Variants in SRGAP3 observed in about 807,000 individuals in gnomAD.
The protein encoded by SRGAP3 is SLIT-ROBO Rho GTPase activating protein 3, also known as SLIT-ROBO Rho GTPase-activating protein 3.
A neutral mutation model predicts 121.1 loss-of-function variants in SRGAP3; 39 were observed. The ratio of observed to expected loss-of-function variants is 0.32; its 90% CI spans 0.25 to 0.42. The LOEUF (loss-of-function observed/expected upper bound fraction) is 0.42. Ranked by LOEUF, SRGAP3 falls within the 10% of genes least tolerant of loss-of-function variation. SRGAP3 has a pLI of 1.00. For synonymous variants in SRGAP3, 601 were observed against 570.0 expected, an observed-to-expected ratio of 1.05 and a Z score of -0.77; for missense variants, 1,213 against 1,470.6, an observed-to-expected ratio of 0.82 and a Z score of 2.86.
intron 4 of SRGAP3, among the ~76,000 whole-genome samples, chr3:9,071,429 A>G (rs1413321822): frequency 6.6e-6 from 1 of 152,180 alleles, no homozygotes; most frequent in Non-Finnish European, 1.5e-5. Flanking sequence ...TAGGAAGCTC[A>G]GCTAGGCCAA....
chr3:9,029,109 C>T (rs1944352530), intron 12 of SRGAP3, among the ~76,000 whole-genome samples: 1 of 152,170 alleles, frequency 6.6e-6, no homozygotes, highest in Admixed American at 6.5e-5. Flanking sequence ...ACTAAATCTA[C>T]CAGAATCCCA....
chr3:9,127,312 A>G (rs1445539030), intron 1 of SRGAP3, among the ~76,000 whole-genome samples: 1 of 152,214 alleles, frequency 6.6e-6, no homozygotes, highest in African/African-American at 2.4e-5. Context: ...ACTCCAGCCT[A>G]TATGACAAAG....
intron 11 of SRGAP3, 77 bp from the exon 12 acceptor site, chr3:9,032,829 C>A: frequency 7.5e-7 from 1 of 1,330,648 alleles, no homozygotes; most frequent in Non-Finnish European, 1.1e-6. Context: ...CTCTTAAAAC[C>A]CACGACTAAA....
intron 2 of SRGAP3, among the ~76,000 whole-genome samples, chr3:9,111,283 T>A (rs1948612876): frequency 6.6e-6 from 1 of 152,144 alleles, no homozygotes; most frequent in South Asian, 2.1e-4. Flanking sequence ...GGGGCTGGCC[T>A]GATTTGTGGG....
At chr3:9,130,148 CAT>C (rs1334988569) in intron 1 of SRGAP3, among the ~76,000 whole-genome samples, 1 of 152,102 alleles carries the variant, frequency 6.6e-6, no homozygotes, top group Non-Finnish European at 1.5e-5. Context: ...CACAAACAAA[CAT>C]ATGGCACACA....
At chr3:9,272,371 T>C (rs991203222) in intron 3 of SRGAP3, among the ~76,000 whole-genome samples, 14 of 152,182 alleles carry the variant, frequency 9.2e-5, no homozygotes, top group East Asian at 1.9e-4. Context: ...TTTTTCATCA[T>C]CCCAAACTGA....
chr3:9,244,440 C>CAAA (rs34573307), intron 1 of SRGAP3, among the ~76,000 whole-genome samples: 7 of 149,054 alleles, frequency 4.7e-5, no homozygotes, highest in South Asian at 2.1e-4. Flanking sequence ...GAATATGTAA[C>CAAA]AAAAAAAAAA....
chr3:9,173,082 CCTGGCG>C (rs1196117526), intron 1 of SRGAP3, among the ~76,000 whole-genome samples: 3 of 152,212 alleles, frequency 2.0e-5, no homozygotes, highest in African/African-American at 7.2e-5. Flanking sequence ...AGTCAGCTGG[CCTGGCG>C]CAGTGATGCT....
In SRGAP3 at chr3:9,198,051, T is replaced by C. The variant is rs145794092; in HGVS notation, c.67+50834A>G. 5.0e-3 allele frequency among the ~76,000 whole-genome samples: 768 copies of C among 152,372 alleles called. 6 individuals carry two copies. Among genetic ancestry groups the C allele is most frequent in the African/African-American group, 0.018 (735 of 41,588 alleles). ...TGCAGGTAGGTTGTCTGTTGCTTTATAGAAACTAGTAAACTGTGTTATCAT... is the reference window on the plus strand; with the variant it reads ...TGCAGGTAGGTTGTCTGTTGCTTTACAGAAACTAGTAAACTGTGTTATCAT... On this transcript the variant is annotated intron_variant, in intron 1 of 21. Transcript: ENST00000383836.
At chr3:9,213,174 T>C (rs1455105277) in intron 1 of SRGAP3, among the ~76,000 whole-genome samples, 1 of 151,838 alleles carries the variant, frequency 6.6e-6, no homozygotes, top group East Asian at 1.9e-4. Context: ...AATAATGGAG[T>C]CTATTCCCTG....
At chr3:9,213,361 A>G (rs868646958) in intron 1 of SRGAP3, among the ~76,000 whole-genome samples, 3 of 151,430 alleles carry the variant, frequency 2.0e-5, no homozygotes, top group Admixed American at 6.6e-5. Flanking sequence ...GCCCCTGCCC[A>G]CTTCCTCAAC....
intron 1 of SRGAP3, among the ~76,000 whole-genome samples, chr3:9,160,043 C>T (rs1322134082): frequency 6.6e-6 from 1 of 152,188 alleles, no homozygotes; most frequent in African/African-American, 2.4e-5. Context: ...AGAATGTAAG[C>T]TCTGGAGCCA....
Position 9,026,915 on chromosome 3 carries a change from T to C in SRGAP3, c.1600+20A>G. On this transcript the variant is annotated intron_variant, in intron 13 of 21. Transcript: ENST00000383836. ...CTGTTCTGCAGATTGCTGAAAACACTGGCCCAAGATCCAGCTTACCATATA... is the reference window on the plus strand; with the variant it reads ...CTGTTCTGCAGATTGCTGAAAACACCGGCCCAAGATCCAGCTTACCATATA... 2.5e-6 allele frequency: 4 copies of C among 1,614,038 alleles called. No individual in the cohort carries two copies. Among genetic ancestry groups the C allele is most frequent in the African/African-American group, 1.3e-5 (1 of 75,052 alleles).
intron 1 of SRGAP3, among the ~76,000 whole-genome samples, chr3:9,151,799 G>A (rs965180575): frequency 3.3e-5 from 5 of 152,310 alleles, no homozygotes; most frequent in Non-Finnish European, 7.4e-5. Flanking sequence ...AGGGAGAGCC[G>A]AAGTAAGGAA....
chr3:9,052,057 C>A (rs1945605165), intron 9 of SRGAP3, among the ~76,000 whole-genome samples: 1 of 152,196 alleles, frequency 6.6e-6, no homozygotes, highest in Admixed American at 6.6e-5. Flanking sequence ...CTCGGAGTCT[C>A]ACCTTAGAAG....
chr3:9,141,980 G>C (rs914264050), intron 1 of SRGAP3, among the ~76,000 whole-genome samples: 3 of 152,200 alleles, frequency 2.0e-5, no homozygotes, highest in African/African-American at 7.2e-5. Context: ...CTTAATAATG[G>C]ATTGCAAGCC....
intron 3 of SRGAP3, among the ~76,000 whole-genome samples, chr3:9,323,963 C>T (rs180672016): frequency 1.3e-5 from 2 of 151,916 alleles, no homozygotes; most frequent in East Asian, 3.9e-4. Flanking sequence ...ACAACAGATT[C>T]ACAAAGACTC....
At chr3:9,012,256 T>C (rs1359554641) in intron 17 of SRGAP3, among the ~76,000 whole-genome samples, 3 of 152,214 alleles carry the variant, frequency 2.0e-5, no homozygotes, top group Non-Finnish European at 2.9e-5. Flanking sequence ...AGTCCAGGAA[T>C]GCTTTGACAA....
At chr3:9,060,723 G>C (rs1946118941) in intron 5 of SRGAP3, among the ~76,000 whole-genome samples, 1 of 148,410 alleles carries the variant, frequency 6.7e-6, no homozygotes, top group Non-Finnish European at 1.5e-5. Context: ...ATAGGCGTGA[G>C]CCACCATGCC....
Sources: gnomAD v4.1 joint callset for allele counts (sites outside exome capture counted in the v4.1 genomes callset) on GRCh38, gnomAD v4.1.1 for gene constraint, MANE v1.5 for transcripts, NCBI Gene and HGNC (gene_info 2026-07-23, HGNC 2026-07-21) for gene names.